B4GALT1: variants seen among roughly 807,000 people sequenced by gnomAD.
B4GALT1 encodes the protein beta-1,4-galactosyltransferase 1, also known as N-acetyllactosamine synthase.
In B4GALT1, 16 loss-of-function variants were observed where a neutral mutation model predicts 34.9. The observed-to-expected ratio is 0.46, with a 90% confidence interval of 0.31 to 0.70. The LOEUF (loss-of-function observed/expected upper bound fraction) is 0.70, where lower values mean the gene tolerates loss of function less well. Ranked by LOEUF, B4GALT1 falls within the 30% of genes least tolerant of loss-of-function variation. B4GALT1 has a pLI of 0.05. For synonymous variants in B4GALT1, 221 were observed against 218.1 expected, an observed-to-expected ratio of 1.01 and a Z score of -0.12; for missense variants, 445 against 530.5, an observed-to-expected ratio of 0.84 and a Z score of 1.58.
upstream of B4GALT1, among the ~76,000 whole-genome samples, chr9:33,169,144 ATTCCTCCTCCCTAGTCTGTT>A (rs1173685301): frequency 1.3e-5 from 2 of 152,042 alleles, no homozygotes; most frequent in East Asian, 3.8e-4. Context: ...CACCTCCTCC[ATTCCTCCTCCCTAGTCTGTT>A]TTCCACAGAG....
In B4GALT1 at chr9:33,113,267, T is replaced by C. The variant is rs113541188; in HGVS notation, c.*187A>G. 1.3e-5 allele frequency: 10 copies of C among 781,742 alleles called. No homozygotes were observed. The highest frequency in any genetic ancestry group is 8.5e-5 in the African/African-American group (5 of 58,494). The allele number at this position is 781,742 out of a possible 1,614,324, so 48.4% of individuals were successfully genotyped here. On this transcript the variant is annotated 3_prime_UTR_variant, in exon 6 of 6. Coordinates refer to ENST00000379731, the MANE Select transcript of B4GALT1 (RefSeq NM_001497.4). ...CACCTTGCAGAGCTAAGAATTCACA[T>C]GCCGAGCCAAGTTGGGGGCAAAATA... is the stretch of plus-strand genomic sequence containing the variant.
chr9:33,116,519 A>ATT (rs1839941329), intron 3 of B4GALT1, among the ~76,000 whole-genome samples: 1 of 51,774 alleles, frequency 1.9e-5, no homozygotes, highest in Non-Finnish European at 3.9e-5. Context: ...ACCAAACCGG[A>ATT]TCTTTTTTTT....
At position 33,112,625 on chromosome 9, in the gene B4GALT1, A is replaced by C. The variant is rs16918999; in HGVS notation, c.*829T>G. On this transcript the variant is annotated 3_prime_UTR_variant, in exon 6 of 6. Coordinates refer to ENST00000379731, the MANE Select transcript of B4GALT1 (RefSeq NM_001497.4). ...AAATTCAAGTTTACATAGCATGCCA[A>C]GAAAAATAAATTGTCATGACTTAAC... 0.043 allele frequency: 6,574 copies of C among 152,756 alleles called. 279 individuals are homozygous for C. Among genetic ancestry groups the C allele is most frequent in the East Asian group, 0.11 (587 of 5,184 alleles). 9.5% of individuals were successfully genotyped at this position (152,756 alleles called of 1,614,324 possible).
At chr9:33,177,335 C>T in the B4GALT1 span, 2 of 152,200 alleles carry the variant, frequency 1.3e-5, no homozygotes, top group Non-Finnish European at 2.9e-5. Flanking sequence ...CTTCCTTATT[C>T]CAAAGTCAAT....
intron 1 of B4GALT1, among the ~76,000 whole-genome samples, chr9:33,155,083 C>T (rs1486514697): frequency 6.6e-6 from 1 of 152,106 alleles, no homozygotes; most frequent in Non-Finnish European, 1.5e-5. Flanking sequence ...AGCCATTTAG[C>T]GATGCTGAGC....
rs1317864515 is a variant in B4GALT1, at chr9:33,154,019, GAGGA to G, written c.412+12735_412+12738del. 8.0e-3 allele frequency among the ~76,000 whole-genome samples: 793 copies of G among 99,706 alleles called. 21 individuals are homozygous for G. The highest frequency in any genetic ancestry group is 0.03 in the African/African-American group (721 of 23,794). The allele number at this position is 99,706 out of a possible 152,430, so 65.4% of individuals were successfully genotyped here. A position where few individuals can be genotyped will look rare whatever the true frequency, so the allele number is the denominator to read the frequency against. ...AGGGGAGGGGAGAGAGAGAGAGAGA[GAGGA>G]AGGAAGGAAGGGAGGGAGGGAGGGA... is the stretch of plus-strand genomic sequence containing the variant. On this transcript the variant is annotated intron_variant, in intron 1 of 5. Coordinates refer to ENST00000379731, the MANE Select transcript of B4GALT1 (RefSeq NM_001497.4).
At position 33,113,584 on chromosome 9, in the gene B4GALT1, A is replaced by G; in HGVS notation, c.1067T>C (p.Phe356Ser). Residue 356 changes from phenylalanine to serine, a missense_variant and splice_region_variant, in exon 6 of 6, where the codon TTT becomes TCT. By Grantham distance (155) the Phe-to-Ser change is radical. This residue lies in a region of B4GALT1 where 89 missense variants were observed against 107.6 expected (regional missense o/e 0.83). Transcript: ENST00000379731. ...DKKNEPNPQR[F>S]DRIAHTKETM... ...CTCCTTTGTGTGTGCAATTCGGTCA[A>G]ACCTACAAGGAAAAGAGCACAAGGA... The G allele has an allele frequency of 6.2e-7, 1 of 1,614,224 alleles. No homozygotes were observed. The highest frequency in any genetic ancestry group is 8.5e-7 in the Non-Finnish European group (1 of 1,180,040).
downstream of B4GALT1, chr9:33,108,711 C>A (rs1587723669): frequency 6.6e-6 from 1 of 152,048 alleles, no homozygotes; most frequent in Admixed American, 6.5e-5. Context: ...AAGTGGAGCA[C>A]ATCAGTGAAA....
chr9:33,167,218 A>T lies in B4GALT1; in HGVS notation c.-49T>A. ...GGTGTGGGCTACAGGAGGGGAGGCG[A>T]CCCGCCCGCGGGCCGCCCGCCAGGC... On this transcript the variant is annotated 5_prime_UTR_variant, in exon 1 of 6. Transcript: ENST00000379731. 1 of 1,480,330 alleles carries T rather than the reference A, an allele frequency of 6.8e-7. No individual in the cohort carries two copies. The allele number at this position is 1,480,330 out of a possible 1,614,324, so 91.7% of individuals were successfully genotyped here.
the B4GALT1 span, among the ~76,000 whole-genome samples, chr9:33,185,038 C>T: frequency 6.6e-6 from 1 of 152,108 alleles, no homozygotes. Context: ...AGGAAGGGTC[C>T]TGGGTAGCCA....
At chr9:33,135,911 A>ATATGTG (rs1554686826) in intron 1 of B4GALT1, among the ~76,000 whole-genome samples, 1 of 135,990 alleles carries the variant, frequency 7.4e-6, no homozygotes, top group Non-Finnish European at 1.6e-5. Context: ...GTGTGTGTGT[A>ATATGTG]TGTGTGTGTG....
At chr9:33,120,290 A>T in intron 3 of B4GALT1, 129 bp downstream of exon 3, 1 of 1,001,740 alleles carries the variant, frequency 1.0e-6, no homozygotes, top group South Asian at 1.3e-5. Flanking sequence ...AATACAAAGC[A>T]CCCATTTCTC....
the B4GALT1 span, among the ~76,000 whole-genome samples, chr9:33,184,278 A>ACG: frequency 1.3e-5 from 2 of 151,970 alleles, no homozygotes; most frequent in African/African-American, 4.8e-5. Context: ...ACACACACAC[A>ACG]CACACACACA....
chr9:33,172,672 C>T, the B4GALT1 span, among the ~76,000 whole-genome samples: 4 of 152,182 alleles, frequency 2.6e-5, no homozygotes, highest in Non-Finnish European at 5.9e-5. Context: ...CAGTGGCTCA[C>T]GCCTTTAATC....
rs754771244 is a variant in B4GALT1, at chr9:33,111,276, A to AAAC, written c.*2175_*2177dup. ...AAAAAAAAAAAAAAAAAAAAAAAAA[A>AAAC]AACAACAAGAAAAGGTAGAGTTTGG... On this transcript the variant is annotated 3_prime_UTR_variant, in exon 6 of 6. Transcript: ENST00000379731. 6.6e-5 allele frequency: 7 copies of AAAC among 105,932 alleles called. No individual in the cohort carries two copies. Among genetic ancestry groups the AAAC allele is most frequent in the Non-Finnish European group, 1.2e-4 (6 of 49,228 alleles). 6.6% of individuals were successfully genotyped at this position (105,932 alleles called of 1,614,324 possible).
intron 3 of B4GALT1, among the ~76,000 whole-genome samples, chr9:33,119,901 T>C (rs756884617): frequency 1.8e-4 from 28 of 152,166 alleles, no homozygotes; most frequent in Admixed American, 9.2e-4. Context: ...AAACTGTTCT[T>C]AGGCCAGGCA....
chr9:33,126,384 G>A (rs565616836), intron 2 of B4GALT1, among the ~76,000 whole-genome samples: 1 of 152,186 alleles, frequency 6.6e-6, no homozygotes, highest in Non-Finnish European at 1.5e-5. Context: ...TTTGTGGAGG[G>A]CTAATAATAT....
intron 2 of B4GALT1, among the ~76,000 whole-genome samples, chr9:33,132,218 G>A (rs1316861315): frequency 2.0e-5 from 2 of 98,338 alleles, no homozygotes; most frequent in African/African-American, 3.9e-5. Flanking sequence ...GCTAAGTTGT[G>A]AAGTGGGAAG....
At chr9:33,117,139 C>T (rs927768434) in intron 3 of B4GALT1, among the ~76,000 whole-genome samples, 3 of 152,174 alleles carry the variant, frequency 2.0e-5, no homozygotes, top group African/African-American at 7.2e-5. Context: ...TGTACCCACC[C>T]AGTCACAGCC....
Sources: allele counts gnomAD v4.1 joint callset (sites outside exome capture counted in the v4.1 genomes callset), GRCh38; gene constraint gnomAD v4.1.1; regional missense constraint gnomAD v4.1.1; transcripts MANE v1.5; gene names NCBI Gene and HGNC (gene_info 2026-07-23, HGNC 2026-07-21).